The following SYT10 variants were observed in gnomAD, a reference collection of about 807,000 sequenced individuals.
SYT10 encodes synaptotagmin-10.
A neutral mutation model predicts 51.1 loss-of-function variants in SYT10; 31 were observed. The ratio of observed to expected loss-of-function variants is 0.61; its 90% CI spans 0.46 to 0.82. The LOEUF (loss-of-function observed/expected upper bound fraction) is 0.82. Among genes scored for constraint, SYT10 ranks in the 40% least tolerant of loss-of-function variants. The pLI is 0.00. For missense variants in SYT10, 603 were observed against 634.0 expected (o/e 0.95, Z 0.53); for synonymous variants, 233 against 225.9 (o/e 1.03, Z -0.28).
intron 6 of SYT10, among the ~76,000 whole-genome samples, chr12:33,379,075 G>A (rs756804394): frequency 3.3e-4 from 50 of 152,052 alleles, no homozygotes; most frequent in Admixed American, 3.0e-3. Flanking sequence ...TTAGAACCTC[G>A]TCCCACTGAT....
At chr12:33,379,762 T>A in intron 6 of SYT10, 70 bp downstream of exon 6, 1 of 1,573,128 alleles carries the variant, frequency 6.4e-7, no homozygotes, top group Non-Finnish European at 8.7e-7. Context: ...CAGATAAAGG[T>A]TAGCAAATAA....
chr12:33,433,763 G>T (rs540933307), intron 1 of SYT10, among the ~76,000 whole-genome samples: 1 of 152,210 alleles, frequency 6.6e-6, no homozygotes, highest in Non-Finnish European at 1.5e-5. Context: ...AATTTTATTG[G>T]CCAGTAATTA....
At chr12:33,392,200 A>C (rs574097660) in intron 3 of SYT10, among the ~76,000 whole-genome samples, 13 of 152,334 alleles carry the variant, frequency 8.5e-5, no homozygotes, top group South Asian at 2.1e-4. Context: ...ATAGCACACT[A>C]AAATTTCAGA....
chr12:33,415,707 G>A (rs1276190411), intron 2 of SYT10, among the ~76,000 whole-genome samples: 15 of 152,096 alleles, frequency 9.9e-5, no homozygotes, highest in East Asian at 5.8e-4. Context: ...ATAGCAAGAC[G>A]AAATCAAGTT....
Position 33,382,274 on chromosome 12 carries a change from T to C in SYT10, c.1370+75A>G, listed in dbSNP as rs11052668. 2,170 of 1,272,946 alleles carry C rather than the reference T, an allele frequency of 1.7e-3. 38 individuals are homozygous for C. In the African/African-American group the frequency reaches 0.03, roughly 17 times the overall value. 78.9% of individuals were successfully genotyped at this position (1,272,946 alleles called of 1,614,324 possible). A position where few individuals can be genotyped will look rare whatever the true frequency, so the allele number is the denominator to read the frequency against. On this transcript the variant is annotated intron_variant, in intron 5 of 6. Transcript: ENST00000228567. ...AAATTAAAACTGTTGTGGCAGTAAA[T>C]GACCTGAAAAGCTGAGTTTGGCCTG...
intron 2 of SYT10, among the ~76,000 whole-genome samples, chr12:33,409,265 G>A (rs1866385439): frequency 6.6e-6 from 1 of 152,030 alleles, no homozygotes; most frequent in Admixed American, 6.5e-5. Context: ...CACCCAGGCT[G>A]GAGTGCAGTG....
Position 33,385,166 on chromosome 12 carries a change from C to T in SYT10, c.1198+5G>A. 2.5e-6 allele frequency: 4 copies of T among 1,613,354 alleles called. No homozygotes were observed. The highest frequency in any genetic ancestry group is 3.4e-6 in the Non-Finnish European group (4 of 1,179,616). ...CCCTTGGTCCTGTGGCCATTGTGTA[C>T]ATACCTGATGAGCCAGTAATATCCA... On this transcript the variant is annotated splice_donor_5th_base_variant and intron_variant, in intron 4 of 6. Transcript: ENST00000228567.
intron 1 of SYT10, 86 bp downstream of exon 1, chr12:33,439,286 C>T: frequency 3.4e-6 from 5 of 1,486,512 alleles, no homozygotes; most frequent in Non-Finnish European, 4.5e-6. Context: ...GGGAGCGGCG[C>T]GGGAGGCGCA....
At chr12:33,410,464 A>C (rs1305922955) in intron 2 of SYT10, among the ~76,000 whole-genome samples, 1 of 152,194 alleles carries the variant, frequency 6.6e-6, no homozygotes, top group Non-Finnish European at 1.5e-5. Context: ...GAGCTGTGAG[A>C]GTATCAGTAG....
chr12:33,382,230 T>G (rs1389198427), intron 5 of SYT10, 119 bp downstream of exon 5: 4 of 963,198 alleles, frequency 4.2e-6, no homozygotes, highest in African/African-American at 1.7e-5. Context: ...CAAGGAATCA[T>G]TATTCCCTCC....
chr12:33,406,949 T>C lies in SYT10; in HGVS notation c.917A>G (p.Tyr306Cys). ...TAGTTTTCGGTTGCTTAGTTGATCA[T>C]ATGCTACAGGAAATTGAAAAGTTTC... ...FDETFQFPVA[Y>C]DQLSNRKLHF... is the part of the protein sequence containing the mutation. The change falls in exon 3 of 7, where the codon TAT (tyrosine) becomes TGT (cysteine). Residue 306 changes from tyrosine (Y) to cysteine (C), a missense_variant. By Grantham distance (194) the Tyr-to-Cys change is radical. Coordinates refer to ENST00000228567, the MANE Select transcript of SYT10 (RefSeq NM_198992.4). 2 of 1,614,128 alleles carry C rather than the reference T, an allele frequency of 1.2e-6. No individual in the cohort carries two copies. Among genetic ancestry groups the C allele is most frequent in the Non-Finnish European group, 1.7e-6 (2 of 1,180,018 alleles).
intron 1 of SYT10, among the ~76,000 whole-genome samples, chr12:33,436,145 G>A (rs1461635290): frequency 6.6e-6 from 1 of 152,094 alleles, no homozygotes; most frequent in Non-Finnish European, 1.5e-5. Flanking sequence ...TGAAATTGAT[G>A]AGCATTTGAG....
At chr12:33,400,114 TTAAAA>T (rs1278865594) in intron 3 of SYT10, among the ~76,000 whole-genome samples, 7 of 152,186 alleles carry the variant, frequency 4.6e-5, no homozygotes. Flanking sequence ...ACTCTTTTCC[TTAAAA>T]TAAAACTGGA....
chr12:33,417,304 C>G (rs974141809), intron 2 of SYT10, among the ~76,000 whole-genome samples: 1 of 151,208 alleles, frequency 6.6e-6, no homozygotes, highest in Non-Finnish European at 1.5e-5. Context: ...TGGATGATCT[C>G]GGGAGTGGAG....
chr12:33,409,412 T>C (rs1866386648), intron 2 of SYT10, among the ~76,000 whole-genome samples: 1 of 152,078 alleles, frequency 6.6e-6, no homozygotes, highest in African/African-American at 2.4e-5. Context: ...AGATGGGGTT[T>C]CACCATGTTG....
At chr12:33,401,210 A>G (rs1866301484) in intron 3 of SYT10, among the ~76,000 whole-genome samples, 2 of 152,124 alleles carry the variant, frequency 1.3e-5, no homozygotes, top group Admixed American at 1.3e-4. Context: ...AACTTCTACT[A>G]CTAAATTCCC....
chr12:33,401,462 T>C (rs1315335204), intron 3 of SYT10, among the ~76,000 whole-genome samples: 1 of 152,120 alleles, frequency 6.6e-6, no homozygotes, highest in African/African-American at 2.4e-5. Context: ...CCTTTATTGT[T>C]TCTTTTGTCA....
intron 4 of SYT10, 86 bp from the exon 5 acceptor site, chr12:33,382,606 CCTATAGTA>C: frequency 7.8e-7 from 1 of 1,276,170 alleles, no homozygotes; most frequent in South Asian, 1.7e-5. Context: ...CTAAATAAGA[CCTATAGTA>C]CTAAGGCCTA....
chr12:33,433,185 C>CA (rs1262587025), intron 1 of SYT10, among the ~76,000 whole-genome samples: 3 of 152,078 alleles, frequency 2.0e-5, no homozygotes, highest in Non-Finnish European at 4.4e-5. Flanking sequence ...GGCATTGTGC[C>CA]AGTTAGACAA....
Sources: gnomAD v4.1 joint callset for allele counts (sites outside exome capture counted in the v4.1 genomes callset) on GRCh38, gnomAD v4.1.1 for gene constraint, MANE v1.5 for transcripts, NCBI Gene and HGNC (gene_info 2026-07-23, HGNC 2026-07-21) for gene names.